Variants in ARHGEF12 observed in about 807,000 individuals in gnomAD.
ARHGEF12 encodes KMT2A/ARHGEF12 fusion protein.
ARHGEF12 carries 66 observed loss-of-function variants against 211.2 expected under a neutral mutation model. The ratio of observed to expected loss-of-function variants is 0.31; its 90% CI spans 0.26 to 0.38. ARHGEF12 has a LOEUF of 0.38. Among genes scored for constraint, ARHGEF12 ranks in the 10% least tolerant of loss-of-function variants. The pLI is 1.00. For synonymous variants in ARHGEF12, 592 were observed against 638.4 expected, an observed-to-expected ratio of 0.93 and a Z score of 1.09; for missense variants, 1,429 against 1,869.5, an observed-to-expected ratio of 0.76 and a Z score of 4.34.
chr11:120,337,525 G>T, intron 1 of ARHGEF12: 1 of 985,392 alleles, frequency 1.0e-6, no homozygotes, highest in South Asian at 4.7e-5. Context: ...CCATGATTGT[G>T]GTTTTCCGCC....
chr11:120,344,294 A>AC (rs1491432244), intron 1 of ARHGEF12, among the ~76,000 whole-genome samples: 1 of 136,564 alleles, frequency 7.3e-6, no homozygotes, highest in East Asian at 2.1e-4. Context: ...AAAAAAAAAA[A>AC]CTGGAGACTT....
chr11:120,469,195 A>G, intron 29 of ARHGEF12, 93 bp from the exon 30 acceptor site: 1 of 986,490 alleles, frequency 1.0e-6, no homozygotes, highest in Non-Finnish European at 1.5e-6. Flanking sequence ...ATATGCTCTT[A>G]AAAGTATTGA....
At chr11:120,395,053 T>A in intron 1 of ARHGEF12, among the ~76,000 whole-genome samples, 1 of 102,422 alleles carries the variant, frequency 9.8e-6, no homozygotes. Flanking sequence ...CAAGACTCTA[T>A]CTCAAAAAAA....
intron 6 of ARHGEF12, among the ~76,000 whole-genome samples, chr11:120,422,863 A>G (rs1244011233): frequency 1.3e-5 from 2 of 152,212 alleles, no homozygotes; most frequent in Non-Finnish European, 2.9e-5. Flanking sequence ...CAGAGAGACT[A>G]GAAATAGATT....
In ARHGEF12 at chr11:120,489,901, A is replaced by G. The variant is rs1056725957; in HGVS notation, c.*4824A>G. On this transcript the variant is annotated 3_prime_UTR_variant, in exon 41 of 41. Coordinates refer to ENST00000397843, the MANE Select transcript of ARHGEF12 (RefSeq NM_015313.3). Reference sequence around the variant, plus strand: ...ACTTGCTCTTTGATAGCCACCTCCTAGGAATGGAGACAATAAAACTCTGTA... The same window carrying G: ...ACTTGCTCTTTGATAGCCACCTCCTGGGAATGGAGACAATAAAACTCTGTA... The G allele has an allele frequency of 5.5e-6, 1 of 181,488 alleles. No individual in the cohort carries two copies. The highest frequency in any genetic ancestry group is 1.2e-5 in the Non-Finnish European group (1 of 85,068). The allele number at this position is 181,488 out of a possible 1,614,324, so 11.2% of individuals were successfully genotyped here. A position where few individuals can be genotyped will look rare whatever the true frequency, so the allele number is the denominator to read the frequency against.
chr11:120,421,177 G>A (rs1945173960), intron 5 of ARHGEF12, among the ~76,000 whole-genome samples: 1 of 152,224 alleles, frequency 6.6e-6, no homozygotes, highest in Non-Finnish European at 1.5e-5. Flanking sequence ...ACAGATTAAA[G>A]AGATAGCTAT....
At position 120,476,716 on chromosome 11, in the gene ARHGEF12, A is replaced by G. The variant is rs767836054; in HGVS notation, c.3333A>G (p.Glu1111=). 3.1e-6 allele frequency: 5 copies of G among 1,613,156 alleles called. No homozygotes were observed. The highest frequency in any genetic ancestry group is 4.2e-6 in the Non-Finnish European group (5 of 1,179,652). The change falls in exon 34 of 41, where the codon GAA becomes GAG. Residue 1111 remains glutamate, a synonymous_variant. Transcript: ENST00000397843. ...CAGACAATGGCGCTCAGATTTATGAACTGGTGGCACAGACAGTTTCTGAAA... is the reference window on the plus strand; with the variant it reads ...CAGACAATGGCGCTCAGATTTATGAGCTGGTGGCACAGACAGTTTCTGAAA... ...SMSDNGAQIY[E]LVAQTVSEKT...
chr11:120,475,561 A>G (rs1283590715), intron 33 of ARHGEF12, 54 bp downstream of exon 33: 8 of 1,572,446 alleles, frequency 5.1e-6, no homozygotes, highest in South Asian at 2.3e-5. Context: ...GAAGTTGCAT[A>G]AGATACTCGG....
In ARHGEF12 at chr11:120,484,460, T is replaced by C. The variant is rs1205388744; in HGVS notation, c.4577T>C (p.Ile1526Thr). 2 of 1,614,134 alleles carry C rather than the reference T, an allele frequency of 1.2e-6. No homozygotes were observed. The highest frequency in any genetic ancestry group is 1.7e-6 in the Non-Finnish European group (2 of 1,180,018). The part of the protein sequence containing the change: ...HLKKVEESYT[I>T]LCQRLAGSAL... ...CAGAAGGTGGAGGAAAGTTACACCA[T>C]TCTTTGCCAAAGGCTGGCTGGATCA... is the stretch of plus-strand genomic sequence containing the variant. Residue 1526 changes from isoleucine (I) to threonine (T), a missense_variant, in exon 40 of 41, where the codon ATT becomes ACT. Physicochemically the swap from Ile to Thr is moderately conservative, Grantham distance 89. Transcript: ENST00000397843.
In ARHGEF12 at chr11:120,481,378, C is replaced by T; in HGVS notation, c.4356C>T (p.His1452=). Residue 1452 remains histidine (H), a synonymous_variant, in exon 39 of 41, where the codon CAC becomes CAT. Coordinates refer to ENST00000397843, the MANE Select transcript of ARHGEF12 (RefSeq NM_015313.3). Reference sequence around the variant, plus strand: ...GCATCCCTGCTGTGGAATCCACCCACCAGCAGCAACATTCTCCTCAGAATA... The same window carrying T: ...GCATCCCTGCTGTGGAATCCACCCATCAGCAGCAACATTCTCCTCAGAATA... ...MTGIPAVEST[H]QQQHSPQNTH... The T allele has an allele frequency of 2.5e-6, 4 of 1,614,200 alleles. No homozygotes were observed. In the Admixed American group the frequency reaches 5.0e-5, roughly 20 times the overall value.
Position 120,484,418 on chromosome 11 carries a change from C to A in ARHGEF12, c.4555-20C>A, listed in dbSNP as rs188433371. 6.2e-7 allele frequency: 1 copy of A among 1,609,142 alleles called. No individual in the cohort carries two copies. The highest frequency in any genetic ancestry group is 1.7e-5 in the Admixed American group (1 of 59,434). On this transcript the variant is annotated intron_variant, in intron 39 of 40. Coordinates refer to ENST00000397843, the MANE Select transcript of ARHGEF12 (RefSeq NM_015313.3). The stretch of plus-strand genomic sequence containing the variant: ...GTTTCATTACGTTTGAATAAAAAAC[C>A]TATGGGTTTTATTTCACAGAAGGTG...
At chr11:120,452,614 G>A (rs1213670551) in intron 22 of ARHGEF12, among the ~76,000 whole-genome samples, 1 of 152,186 alleles carries the variant, frequency 6.6e-6, no homozygotes, top group Non-Finnish European at 1.5e-5. Flanking sequence ...ACCAGCCAAA[G>A]GTTTAGCATT....
At chr11:120,369,247 G>C (rs1943521272) in intron 1 of ARHGEF12, among the ~76,000 whole-genome samples, 2 of 149,600 alleles carry the variant, frequency 1.3e-5, no homozygotes, top group African/African-American at 4.9e-5. Flanking sequence ...TCCCACCTCA[G>C]CCTCCCGAGT....
In ARHGEF12 at chr11:120,488,920, A is replaced by T. The variant is rs1947467669; in HGVS notation, c.*3843A>T. The T allele has an allele frequency of 9.2e-6, 2 of 217,396 alleles. No homozygotes were observed. Among genetic ancestry groups the T allele is most frequent in the South Asian group, 1.9e-4 (1 of 5,372 alleles). 13.5% of individuals were successfully genotyped at this position (217,396 alleles called of 1,614,324 possible). A position where few individuals can be genotyped will look rare whatever the true frequency, so the allele number is the denominator to read the frequency against. ...AAATAGCTCTTTTATGAATTAGCTGATAAGGCTGTATGTTTCTGGAACAAA... is the reference window on the plus strand; with the variant it reads ...AAATAGCTCTTTTATGAATTAGCTGTTAAGGCTGTATGTTTCTGGAACAAA... On this transcript the variant is annotated 3_prime_UTR_variant, in exon 41 of 41. Transcript: ENST00000397843.
At chr11:120,387,623 T>A (rs1008353516) in intron 1 of ARHGEF12, among the ~76,000 whole-genome samples, 1 of 152,146 alleles carries the variant, frequency 6.6e-6, no homozygotes, top group African/African-American at 2.4e-5. Flanking sequence ...ATCTGAAGTT[T>A]GCTGGAATTC....
chr11:120,409,666 A>G (rs1033031702), intron 4 of ARHGEF12: 4 of 481,346 alleles, frequency 8.3e-6, no homozygotes, highest in Non-Finnish European at 1.5e-5. Context: ...AACATTGTAG[A>G]TTAAGAGTAG....
intron 13 of ARHGEF12, 112 bp from the exon 14 acceptor site, chr11:120,441,595 T>C (rs1376846309): frequency 4.0e-6 from 3 of 742,320 alleles, no homozygotes; most frequent in South Asian, 2.2e-5. Flanking sequence ...AAATCTTGAA[T>C]TTTTTATAGG....
At chr11:120,434,060 A>G (rs1354270681) in intron 11 of ARHGEF12, among the ~76,000 whole-genome samples, 1 of 152,248 alleles carries the variant, frequency 6.6e-6, no homozygotes, top group Non-Finnish European at 1.5e-5. Flanking sequence ...ATTTGAATAC[A>G]TGAAATCAAT....
chr11:120,355,467 C>T (rs1213046067), intron 1 of ARHGEF12, among the ~76,000 whole-genome samples: 1 of 152,164 alleles, frequency 6.6e-6, no homozygotes. Flanking sequence ...TCCCATTTTA[C>T]AGATGAGAAA....
Sources: allele counts gnomAD v4.1 joint callset (sites outside exome capture counted in the v4.1 genomes callset), GRCh38; gene constraint gnomAD v4.1.1; transcripts MANE v1.5; gene names NCBI Gene and HGNC (gene_info 2026-07-23, HGNC 2026-07-21).